Variants in AAMP observed in about 807,000 individuals in gnomAD.
AAMP encodes angio associated migratory cell protein.
Under a neutral mutation model 51.1 loss-of-function variants are expected in AAMP, and 12 were observed. That is an observed-to-expected ratio of 0.23 (90% CI 0.15 to 0.38). AAMP has a LOEUF of 0.38. Ranked by LOEUF, AAMP falls within the 10% of genes least tolerant of loss-of-function variation. AAMP has a pLI of 1.00. For missense variants in AAMP, 418 were observed against 557.2 expected (o/e 0.75, Z 2.52); for synonymous variants, 210 against 218.7 (o/e 0.96, Z 0.35).
In AAMP at chr2:218,270,029, T is replaced by C. The variant is rs150307616; in HGVS notation, c.58A>G (p.Ser20Gly). ...AADTPPLETL[S>G]FHGDEEIIEV... ...ATAATCTCTTCATCACCATGGAAGC[T>C]TAGGGTCTCCAGTGGGGGGGTGTCA... The change falls in exon 1 of 11, where the codon AGC becomes GGC. Residue 20 changes from serine (S) to glycine (G), a missense_variant. Physicochemically the swap from Ser to Gly is moderately conservative, Grantham distance 56. Transcript: ENST00000248450. 31 of 1,613,970 alleles carry C rather than the reference T, an allele frequency of 1.9e-5. No individual in the cohort carries two copies. The African/African-American group carries it at 2.7e-4, about 14-fold the overall frequency.
In AAMP at chr2:218,264,519, A is replaced by G. The variant is rs1413515729; in HGVS notation, c.*14T>C. 6.2e-7 allele frequency: 1 copy of G among 1,613,212 alleles called. No individual in the cohort carries two copies. Among genetic ancestry groups the G allele is most frequent in the Non-Finnish European group, 8.5e-7 (1 of 1,179,180 alleles). Reference sequence around the variant, plus strand: ...TCCCCTCAACACCAGACACACAGGCAGGGGCTGCAGCCATTAACGGTCAGG... The same window carrying G: ...TCCCCTCAACACCAGACACACAGGCGGGGGCTGCAGCCATTAACGGTCAGG... On this transcript the variant is annotated 3_prime_UTR_variant, in exon 11 of 11. Transcript: ENST00000248450.
At position 218,265,527 on chromosome 2, in the gene AAMP, G is replaced by C. The variant is rs374913494; in HGVS notation, c.983+52C>G. 1.9e-6 allele frequency: 3 copies of C among 1,591,920 alleles called. No homozygotes were observed. In the East Asian group the frequency reaches 6.7e-5, roughly 36 times the overall value. On this transcript the variant is annotated intron_variant, in intron 8 of 10. Coordinates refer to ENST00000248450, the MANE Select transcript of AAMP (RefSeq NM_001087.5). This position sits in a 1 kb window ranked among gnomAD's most constrained non-coding sequence, Gnocchi z 6.6. ...GACTCACACGCCCTGCCGTCCTCCC[G>C]GGCCCCCAGCCCAGGCCCCTCCCAC...
Position 218,269,942 on chromosome 2 carries a change from G to T in AAMP, c.121+24C>A, listed in dbSNP as rs375569362. On this transcript the variant is annotated intron_variant, in intron 1 of 10. Coordinates refer to ENST00000248450, the MANE Select transcript of AAMP (RefSeq NM_001087.5). ...CAGGGGTGAGCGTCTCCTGTCCCAT[G>T]GCCTGAGGAGCGGCAGTTCTCACCT... The T allele has an allele frequency of 6.2e-6, 10 of 1,613,882 alleles. No individual in the cohort carries two copies. In the African/African-American group the frequency reaches 1.1e-4, roughly 17 times the overall value.
rs745382682 is a variant in AAMP at position 218,267,023 on chromosome 2, A to G, written c.395-37T>C. 4 of 1,609,386 alleles carry G rather than the reference A, an allele frequency of 2.5e-6. No homozygotes were observed. In the South Asian group the frequency reaches 4.4e-5, roughly 18 times the overall value. On this transcript the variant is annotated intron_variant, in intron 3 of 10. Transcript: ENST00000248450. This position sits in a 1 kb window ranked among gnomAD's most constrained non-coding sequence, Gnocchi z 4.6. ...AGTGGGCAGAAAACAGAGGAAAAAAATAGGGTACCTGGTGCTGGGGGCATG... is the reference window on the plus strand; with the variant it reads ...AGTGGGCAGAAAACAGAGGAAAAAAGTAGGGTACCTGGTGCTGGGGGCATG...
chr2:218,267,867 G>A lies in AAMP; in HGVS notation c.275-254C>T, dbSNP rs147745631. 3.6e-3 allele frequency among the ~76,000 whole-genome samples: 542 copies of A among 152,322 alleles called. 4 individuals carry two copies. Among genetic ancestry groups the A allele is most frequent in the African/African-American group, 0.013 (523 of 41,570 alleles). On this transcript the variant is annotated intron_variant, in intron 2 of 10. Coordinates refer to ENST00000248450, the MANE Select transcript of AAMP (RefSeq NM_001087.5). The surrounding 1 kb of genome is among the most constrained non-coding windows in gnomAD (Gnocchi z 4.6). The stretch of plus-strand genomic sequence containing the variant: ...GTCACCACCCAACACCAATGCCATG[G>A]ACAAGAGGTGGGGACAGGTGCAGGG...
Position 218,267,282 on chromosome 2 carries a change from G to A in AAMP, c.394+212C>T. On this transcript the variant is annotated intron_variant, in intron 3 of 10. Coordinates refer to ENST00000248450, the MANE Select transcript of AAMP (RefSeq NM_001087.5). The surrounding 1 kb of genome is among the most constrained non-coding windows in gnomAD (Gnocchi z 4.6). ...TCCTATACCAATGTGGCCTTCTCTG[G>A]CCTTTCCTGGATTCCCTTGGCCAAT... is the stretch of plus-strand genomic sequence containing the variant. 1 of 753,534 alleles carries A rather than the reference G, an allele frequency of 1.3e-6. No homozygotes were observed. Among genetic ancestry groups the A allele is most frequent in the Non-Finnish European group, 2.1e-6 (1 of 470,052 alleles). The allele number at this position is 753,534 out of a possible 1,614,324, so 46.7% of individuals were successfully genotyped here.
chr2:218,265,218 A>T lies in AAMP; in HGVS notation c.1075-44T>A, dbSNP rs771717382. The T allele has an allele frequency of 5.7e-6, 9 of 1,566,248 alleles. No individual in the cohort carries two copies. Among genetic ancestry groups the T allele is most frequent in the Middle Eastern group, 4.4e-4 (2 of 4,588 alleles). On this transcript the variant is annotated intron_variant, in intron 9 of 10. Coordinates refer to ENST00000248450, the MANE Select transcript of AAMP (RefSeq NM_001087.5). The surrounding 1 kb of genome is among the most constrained non-coding windows in gnomAD (Gnocchi z 6.6). ...GAGGCAGGGCGGAGGTTGGCAGGAGAGCTGAGAGCCATCTGCTCCCAATTC... is the reference window on the plus strand; with the variant it reads ...GAGGCAGGGCGGAGGTTGGCAGGAGTGCTGAGAGCCATCTGCTCCCAATTC...
At chr2:218,264,637 G>T in intron 10 of AAMP, 29 bp from the exon 11 acceptor site, 1 of 1,606,592 alleles carries the variant, frequency 6.2e-7, no homozygotes, top group Non-Finnish European at 8.5e-7. Flanking sequence ...TGATTGCAGA[G>T]ACTGGGGGAC....
At chr2:218,269,816 C>T in intron 1 of AAMP, 150 bp downstream of exon 1, 2 of 1,301,154 alleles carry the variant, frequency 1.5e-6, no homozygotes, top group South Asian at 1.4e-5. Flanking sequence ...GGCCTGAGAA[C>T]TAAGTGTGAG....
In AAMP at chr2:218,265,743, C is replaced by T. The variant is rs765881567; in HGVS notation, c.880-61G>A. On this transcript the variant is annotated intron_variant, in intron 7 of 10. Transcript: ENST00000248450. The surrounding 1 kb of genome is among the most constrained non-coding windows in gnomAD (Gnocchi z 6.6). ...TCCGGGTGCTTGATGGAGAGAAAGA[C>T]GGTGGGGAGAGGAGACAGTGAAGAC... 1.1e-5 allele frequency: 17 copies of T among 1,580,270 alleles called. No homozygotes were observed. The highest frequency in any genetic ancestry group is 1.0e-4 in the South Asian group (9 of 90,404).
At position 218,264,474 on chromosome 2, in the gene AAMP, CAG is replaced by C. The variant is rs915437065; in HGVS notation, c.*57_*58del. On this transcript the variant is annotated 3_prime_UTR_variant, in exon 11 of 11. Coordinates refer to ENST00000248450, the MANE Select transcript of AAMP (RefSeq NM_001087.5). The stretch of plus-strand genomic sequence containing the variant: ...GTGCCCTACTGCCTCTGCTGGCAGA[CAG>C]GGGCAGGGGTCCCTTCGTCCCCTCA... 19 of 1,531,434 alleles carry C rather than the reference CAG, an allele frequency of 1.2e-5. 1 individual carries two copies. In the South Asian group the frequency reaches 1.5e-4, roughly 12 times the overall value. The allele number at this position is 1,531,434 out of a possible 1,614,324, so 94.9% of individuals were successfully genotyped here. A position where few individuals can be genotyped will look rare whatever the true frequency, so the allele number is the denominator to read the frequency against.
In AAMP at chr2:218,265,529, G is replaced by A. The variant is rs1288441786; in HGVS notation, c.983+50C>T. 5 of 1,590,568 alleles carry A rather than the reference G, an allele frequency of 3.1e-6. No individual in the cohort carries two copies. Among genetic ancestry groups the A allele is most frequent in the African/African-American group, 2.7e-5 (2 of 74,456 alleles). On this transcript the variant is annotated intron_variant, in intron 8 of 10. Coordinates refer to ENST00000248450, the MANE Select transcript of AAMP (RefSeq NM_001087.5). This position sits in a 1 kb window ranked among gnomAD's most constrained non-coding sequence, Gnocchi z 6.6. Reference sequence around the variant, plus strand: ...CTCACACGCCCTGCCGTCCTCCCGGGCCCCCAGCCCAGGCCCCTCCCACAA... The same window carrying A: ...CTCACACGCCCTGCCGTCCTCCCGGACCCCCAGCCCAGGCCCCTCCCACAA...
In AAMP at chr2:218,267,802, C is replaced by T. The variant is rs1299387588; in HGVS notation, c.275-189G>A. ...AGATCCTTCCCATATTTGCCAAGCT[C>T]CCTATTTGCCAGAGTAGATCCCCTC... On this transcript the variant is annotated intron_variant, in intron 2 of 10. Transcript: ENST00000248450. This position sits in a 1 kb window ranked among gnomAD's most constrained non-coding sequence, Gnocchi z 4.6. 2.0e-5 allele frequency among the ~76,000 whole-genome samples: 3 copies of T among 152,188 alleles called. No homozygotes were observed. The highest frequency in any genetic ancestry group is 3.8e-4 in the East Asian group (2 of 5,200).
rs1339706991 is a variant in AAMP at position 218,266,849 on chromosome 2, C to G, written c.532G>C (p.Glu178Gln). 8.1e-6 allele frequency: 13 copies of G among 1,614,112 alleles called. No homozygotes were observed. The highest frequency in any genetic ancestry group is 1.1e-5 in the Non-Finnish European group (13 of 1,180,040). The part of the protein sequence containing the change: ...EVWSFEAGDL[E>Q]WMEWHPRAPV... ...GACTCCCGCTCTGATGATCTTACCT[C>G]CAGGTCTCCCGCTTCAAAGGACCAG... The change falls in exon 4 of 11, where the codon GAG (glutamate) becomes CAG (glutamine). Residue 178 changes from glutamate to glutamine, a missense_variant and splice_region_variant. By Grantham distance (29) the Glu-to-Gln change is conservative. Transcript: ENST00000248450. This position sits in a 1 kb window ranked among gnomAD's most constrained non-coding sequence, Gnocchi z 4.7.
At position 218,267,001 on chromosome 2, in the gene AAMP, G is replaced by T; in HGVS notation, c.395-15C>A. The T allele has an allele frequency of 1.2e-6, 2 of 1,611,482 alleles. No homozygotes were observed. The highest frequency in any genetic ancestry group is 8.5e-7 in the Non-Finnish European group (1 of 1,177,856). ...GTCTTTATGGCCTTCAAAGAAAAGT[G>T]GGCAGAAAACAGAGGAAAAAAATAG... is the stretch of plus-strand genomic sequence containing the variant. On this transcript the variant is annotated splice_polypyrimidine_tract_variant and intron_variant, in intron 3 of 10. Transcript: ENST00000248450. This position sits in a 1 kb window ranked among gnomAD's most constrained non-coding sequence, Gnocchi z 4.6.
At position 218,265,109 on chromosome 2, in the gene AAMP, G is replaced by A; in HGVS notation, c.1140C>T (p.Gly380=). ...TCCGGGCGTCCCAGAGGCGCACGATGCCATCCAGGCTGCAGGTATATACCA... is the reference window on the plus strand; with the variant it reads ...TCCGGGCGTCCCAGAGGCGCACGATACCATCCAGGCTGCAGGTATATACCA... The part of the protein sequence containing the change: ...TAVVYTCSLD[G]IVRLWDARTG... The change falls in exon 10 of 11, where the codon GGC becomes GGT. Residue 380 remains glycine (G), a synonymous_variant. Coordinates refer to ENST00000248450, the MANE Select transcript of AAMP (RefSeq NM_001087.5). The surrounding 1 kb of genome is among the most constrained non-coding windows in gnomAD (Gnocchi z 6.6). 1 of 1,612,462 alleles carries A rather than the reference G, an allele frequency of 6.2e-7. No homozygotes were observed. Among genetic ancestry groups the A allele is most frequent in the Non-Finnish European group, 8.5e-7 (1 of 1,179,342 alleles).
At position 218,267,707 on chromosome 2, in the gene AAMP, A is replaced by G. The variant is rs1690666966; in HGVS notation, c.275-94T>C. On this transcript the variant is annotated intron_variant, in intron 2 of 10. Transcript: ENST00000248450. This position sits in a 1 kb window ranked among gnomAD's most constrained non-coding sequence, Gnocchi z 4.6. ...TCAGGAAACCCACCCCCTTTCACCCAAAGCGTGTCTTTCCTCCTGGAAAAC... is the reference window on the plus strand; with the variant it reads ...TCAGGAAACCCACCCCCTTTCACCCGAAGCGTGTCTTTCCTCCTGGAAAAC... 2 of 1,510,238 alleles carry G rather than the reference A, an allele frequency of 1.3e-6. No individual in the cohort carries two copies. The highest frequency in any genetic ancestry group is 2.8e-5 in the African/African-American group (2 of 72,308). The allele number at this position is 1,510,238 out of a possible 1,614,324, so 93.6% of individuals were successfully genotyped here.
Position 218,265,816 on chromosome 2 carries a change from T to C in AAMP, c.879+15A>G. 2 of 1,605,986 alleles carry C rather than the reference T, an allele frequency of 1.2e-6. No homozygotes were observed. The highest frequency in any genetic ancestry group is 1.7e-6 in the Non-Finnish European group (2 of 1,174,278). ...GGGAAAGCGGAGGCCCCAGCCGGGC[T>C]CCAGGTCCACTCACCTTGCCGGTGG... is the stretch of plus-strand genomic sequence containing the variant. On this transcript the variant is annotated intron_variant, in intron 7 of 10. Transcript: ENST00000248450. The surrounding 1 kb of genome is among the most constrained non-coding windows in gnomAD (Gnocchi z 6.6).
Position 218,267,473 on chromosome 2 carries a change from C to T in AAMP, c.394+21G>A. 1 of 1,613,682 alleles carries T rather than the reference C, an allele frequency of 6.2e-7. No individual in the cohort carries two copies. The highest frequency in any genetic ancestry group is 8.5e-7 in the Non-Finnish European group (1 of 1,179,738). On this transcript the variant is annotated intron_variant, in intron 3 of 10. Coordinates refer to ENST00000248450, the MANE Select transcript of AAMP (RefSeq NM_001087.5). This position sits in a 1 kb window ranked among gnomAD's most constrained non-coding sequence, Gnocchi z 4.6. Reference sequence around the variant, plus strand: ...CCAAAAGAATATGACCTCTCCCAGGCCTCTACCCCAGCCCCCTCACCTGCA... The same window carrying T: ...CCAAAAGAATATGACCTCTCCCAGGTCTCTACCCCAGCCCCCTCACCTGCA...
Sources: allele counts gnomAD v4.1 joint callset (sites outside exome capture counted in the v4.1 genomes callset), GRCh38; gene constraint gnomAD v4.1.1; non-coding constraint Gnocchi (gnomAD v3.1); transcripts MANE v1.5; gene names NCBI Gene and HGNC (gene_info 2026-07-23, HGNC 2026-07-21).